PDE3B: variants seen among roughly 807,000 people sequenced by gnomAD.
The protein encoded by PDE3B is phosphodiesterase 3B.
Under a neutral mutation model 116.8 loss-of-function variants are expected in PDE3B, and 66 were observed. The observed-to-expected ratio is 0.56, with a 90% CI of 0.46 to 0.69. PDE3B has a LOEUF of 0.69. PDE3B is among the 30% of genes least tolerant of loss of function. The pLI, the probability that PDE3B is intolerant of heterozygous loss-of-function variation, is 0.00. For synonymous variants in PDE3B, 595 were observed against 533.6 expected (o/e 1.12, Z -1.59); for missense variants, 1,384 against 1,368.1 (o/e 1.01, Z -0.18).
intron 1 of PDE3B, among the ~76,000 whole-genome samples, chr11:14,770,808 T>C (rs1857618169): frequency 6.6e-6 from 1 of 151,550 alleles, no homozygotes; most frequent in South Asian, 2.1e-4. Context: ...GATGAGGAGA[T>C]GGTGATAATG....
intron 7 of PDE3B, among the ~76,000 whole-genome samples, chr11:14,819,567 G>A (rs952141959): frequency 1.3e-5 from 2 of 152,034 alleles, no homozygotes; most frequent in South Asian, 2.1e-4. Flanking sequence ...TTAAAGTGTG[G>A]TTAATTATAT....
intron 1 of PDE3B, among the ~76,000 whole-genome samples, chr11:14,700,111 T>C (rs1264132194): frequency 1.3e-5 from 2 of 151,808 alleles, no homozygotes; most frequent in African/African-American, 2.4e-5. Flanking sequence ...TTTTTCCTTC[T>C]CTTTAGTTTT....
At chr11:14,722,039 C>G (rs952295548) in intron 1 of PDE3B, among the ~76,000 whole-genome samples, 4 of 151,254 alleles carry the variant, frequency 2.6e-5, no homozygotes, top group Admixed American at 6.6e-5. Flanking sequence ...GGAAACCAGT[C>G]TCAGCAAACT....
At chr11:14,808,677 T>C (rs1340879247) in intron 5 of PDE3B, among the ~76,000 whole-genome samples, 1 of 137,746 alleles carries the variant, frequency 7.3e-6, no homozygotes, top group African/African-American at 2.7e-5. Context: ...CCAATAAGTT[T>C]ATCAATGTGG....
chr11:14,798,591 T>C (rs1343901396), intron 4 of PDE3B, among the ~76,000 whole-genome samples: 2 of 152,236 alleles, frequency 1.3e-5, no homozygotes, highest in Admixed American at 6.5e-5. Context: ...AGGCTATTAA[T>C]TACTGCCTCC....
intron 3 of PDE3B, 42 bp downstream of exon 3, chr11:14,786,727 A>C (rs1187145289): frequency 6.7e-7 from 1 of 1,494,524 alleles, no homozygotes; most frequent in Non-Finnish European, 9.2e-7. Flanking sequence ...ATCAAATTTA[A>C]TGATATTTTC....
Position 14,859,255 on chromosome 11 carries a change from T to A in PDE3B, c.2724+9T>A. 1.3e-6 allele frequency: 2 copies of A among 1,573,738 alleles called. No individual in the cohort carries two copies. The highest frequency in any genetic ancestry group is 1.7e-6 in the Non-Finnish European group (2 of 1,151,078). The stretch of plus-strand genomic sequence containing the variant: ...CAGAATTCAATGCCAAGGTTTGTTA[T>A]GAAAATTAGTGCCTGATTTAAAAAA... On this transcript the variant is annotated intron_variant, in intron 13 of 15. Transcript: ENST00000282096.
intron 12 of PDE3B, among the ~76,000 whole-genome samples, chr11:14,849,728 C>T (rs1305570626): frequency 6.6e-6 from 1 of 152,060 alleles, no homozygotes; most frequent in Admixed American, 6.5e-5. Context: ...CCAAAAAACA[C>T]GTGAAAAAAT....
intron 1 of PDE3B, among the ~76,000 whole-genome samples, chr11:14,683,047 C>T (rs1175099479): frequency 6.6e-6 from 1 of 151,852 alleles, no homozygotes; most frequent in Non-Finnish European, 1.5e-5. Context: ...AAGTGATTCT[C>T]CTGCCTCAGC....
At chr11:14,696,669 T>C (rs760954013) in intron 1 of PDE3B, among the ~76,000 whole-genome samples, 1 of 152,124 alleles carries the variant, frequency 6.6e-6, no homozygotes, top group Non-Finnish European at 1.5e-5. Flanking sequence ...TATTGATTTA[T>C]AGTAATTCTT....
At chr11:14,805,052 T>A (rs1314324695) in intron 5 of PDE3B, among the ~76,000 whole-genome samples, 1 of 152,082 alleles carries the variant, frequency 6.6e-6, no homozygotes, top group Non-Finnish European at 1.5e-5. Context: ...CTAAAATATG[T>A]GTGACTGAAG....
intron 1 of PDE3B, among the ~76,000 whole-genome samples, chr11:14,677,431 TGA>T (rs1854562056): frequency 6.6e-6 from 1 of 152,238 alleles, no homozygotes; most frequent in East Asian, 1.9e-4. Context: ...GTATATGTAA[TGA>T]TATCTTTCTA....
intron 11 of PDE3B, among the ~76,000 whole-genome samples, chr11:14,842,401 G>A (rs1206511227): frequency 6.6e-6 from 1 of 152,078 alleles, no homozygotes; most frequent in African/African-American, 2.4e-5. Context: ...ATTTTGCCAT[G>A]TTTGATTTTT....
At chr11:14,810,337 T>C in intron 5 of PDE3B, among the ~76,000 whole-genome samples, 1 of 107,978 alleles carries the variant, frequency 9.3e-6, no homozygotes. Flanking sequence ...CCCACAACAG[T>C]CCCCAGAGTG....
intron 1 of PDE3B, among the ~76,000 whole-genome samples, chr11:14,677,597 C>T (rs1277865935): frequency 6.6e-6 from 1 of 151,796 alleles, no homozygotes; most frequent in African/African-American, 2.4e-5. Context: ...TGAATTTTAC[C>T]ATGAGTATAG....
intron 7 of PDE3B, among the ~76,000 whole-genome samples, chr11:14,823,021 TCTC>T (rs1439074295): frequency 2.6e-5 from 4 of 151,952 alleles, no homozygotes; most frequent in Admixed American, 1.3e-4. Context: ...TGACCTCTCT[TCTC>T]CTCACTGGGC....
chr11:14,718,630 C>T (rs1483215739), intron 1 of PDE3B, among the ~76,000 whole-genome samples: 1 of 150,258 alleles, frequency 6.7e-6, no homozygotes, highest in Non-Finnish European at 1.5e-5. Flanking sequence ...CTCAAAACCG[C>T]TCAACTACAT....
intron 1 of PDE3B, among the ~76,000 whole-genome samples, chr11:14,708,392 A>G (rs1855596160): frequency 6.6e-6 from 1 of 152,078 alleles, no homozygotes; most frequent in Non-Finnish European, 1.5e-5. Context: ...ACCCAGCCTC[A>G]GGTATTCCTT....
chr11:14,675,905 A>C (rs1421883547), intron 1 of PDE3B, among the ~76,000 whole-genome samples: 1 of 152,148 alleles, frequency 6.6e-6, no homozygotes, highest in Non-Finnish European at 1.5e-5. Flanking sequence ...GTAAATACCT[A>C]AGAGTGAAAT....
Sources: gnomAD v4.1 joint callset for allele counts (sites outside exome capture counted in the v4.1 genomes callset) on GRCh38, gnomAD v4.1.1 for gene constraint, MANE v1.5 for transcripts, NCBI Gene and HGNC (gene_info 2026-07-23, HGNC 2026-07-21) for gene names.